Variants in CTAGE1 observed in about 807,000 individuals in gnomAD.
CTAGE1 encodes the protein cTAGE family member 2.
For missense variants in CTAGE1, 963 were observed against 855.9 expected (o/e 1.13, Z -1.56); for synonymous variants, 332 against 302.8 (o/e 1.10, Z -1.00).
chr18:22,415,501 G>T lies in CTAGE1; in HGVS notation c.*73C>A. ...GGGCAAACATGTTGTTAGGTTTCTT[G>T]CTGTCGTTCTGGATGTTCAGCAGCA... On this transcript the variant is annotated 3_prime_UTR_variant, in exon 1 of 1. Transcript: ENST00000391403. The T allele has an allele frequency of 8.0e-7, 1 of 1,245,140 alleles. No homozygotes were observed. The highest frequency in any genetic ancestry group is 1.1e-6 in the Non-Finnish European group (1 of 885,692). 77.1% of individuals were successfully genotyped at this position (1,245,140 alleles called of 1,614,324 possible). A position where few individuals can be genotyped will look rare whatever the true frequency, so the allele number is the denominator to read the frequency against.
Position 22,416,703 on chromosome 18 carries a change from A to G in CTAGE1, c.1109T>C (p.Leu370Ser), listed in dbSNP as rs773249744. The change falls in exon 1 of 1, where the codon TTA becomes TCA. Residue 370 changes from leucine to serine, a missense_variant. By Grantham distance (145) the Leu-to-Ser change is moderately radical. Coordinates refer to ENST00000391403, the MANE Select transcript of CTAGE1 (RefSeq NM_172241.3). ...QENEMKLYRK[L>S]IVEEKCRLEK... is the part of the protein sequence containing the mutation. ...TAACCGGCATTTTTCCTCTACTATT[A>G]ATTTCCTGTAGAGTTTCATTTCATT... 6.2e-7 allele frequency: 1 copy of G among 1,613,174 alleles called. No homozygotes were observed. Among genetic ancestry groups the G allele is most frequent in the African/African-American group, 1.3e-5 (1 of 74,828 alleles).
Position 22,415,542 on chromosome 18 carries a change from G to A in CTAGE1, c.*32C>T, listed in dbSNP as rs1212878284. On this transcript the variant is annotated 3_prime_UTR_variant, in exon 1 of 1. Transcript: ENST00000391403. The stretch of plus-strand genomic sequence containing the variant: ...TTCAGCAGCAGGCTCATTTGAAGTC[G>A]GACTCAACCCTGATGGAAACTCATT... 1.5e-5 allele frequency: 22 copies of A among 1,514,546 alleles called. No individual in the cohort carries two copies. The highest frequency in any genetic ancestry group is 2.3e-5 in the East Asian group (1 of 44,222). The allele number at this position is 1,514,546 out of a possible 1,614,324, so 93.8% of individuals were successfully genotyped here.
chr18:22,416,274 G>C lies in CTAGE1; in HGVS notation c.1538C>G (p.Pro513Arg). The C allele has an allele frequency of 6.2e-7, 1 of 1,613,954 alleles. No individual in the cohort carries two copies. The highest frequency in any genetic ancestry group is 8.5e-7 in the Non-Finnish European group (1 of 1,179,864). Residue 513 changes from proline (P) to arginine (R), a missense_variant, in exon 1 of 1, where the codon CCT (proline) becomes CGT (arginine). Coordinates refer to ENST00000391403, the MANE Select transcript of CTAGE1 (RefSeq NM_172241.3). ...SLYPPTLLEG[P>R]LRLSPLLPRG... ...TGGAAGCAAAGGTGAGAGTCTGAGA[G>C]GACCTTCCAACAAAGTTGGAGGATA...
At position 22,415,126 on chromosome 18, in the gene CTAGE1, T is replaced by G. The variant is rs1265221712; in HGVS notation, c.*448A>C. ...AATTTTTTAAATTTTTTTAATCAAC[T>G]AAAACTTATTTAAGCATAAAGTTAC... On this transcript the variant is annotated 3_prime_UTR_variant, in exon 1 of 1. Transcript: ENST00000391403. 4.4e-6 allele frequency: 1 copy of G among 228,550 alleles called. No individual in the cohort carries two copies. Among genetic ancestry groups the G allele is most frequent in the African/African-American group, 2.3e-5 (1 of 44,444 alleles). The allele number at this position is 228,550 out of a possible 1,614,324, so 14.2% of individuals were successfully genotyped here. A position where few individuals can be genotyped will look rare whatever the true frequency, so the allele number is the denominator to read the frequency against.
In CTAGE1 at chr18:22,415,588, C is replaced by T. The variant is rs1221082236; in HGVS notation, c.2224G>A (p.Ala742Thr). Residue 742 changes from alanine to threonine, a missense_variant, in exon 1 of 1, where the codon GCC becomes ACC. Transcript: ENST00000391403. Reference sequence around the variant, plus strand: ...TCATTCTACCTTCAGAATGTGGGGGCTGGGGGGAAAAATGCAGGTCTTGGG... The same window carrying T: ...TCATTCTACCTTCAGAATGTGGGGGTTGGGGGGAAAAATGCAGGTCTTGGG... ...RPPRPAFFPP[A>T]PTF 2 of 1,600,682 alleles carry T rather than the reference C, an allele frequency of 1.2e-6. No homozygotes were observed. The highest frequency in any genetic ancestry group is 2.2e-5 in the South Asian group (2 of 89,044).
rs752841678 is a variant in CTAGE1 at position 22,416,354 on chromosome 18, G to A, written c.1458C>T (p.Ser486=). Residue 486 remains serine (S), a synonymous_variant, in exon 1 of 1, where the codon TCC becomes TCT. Coordinates refer to ENST00000391403, the MANE Select transcript of CTAGE1 (RefSeq NM_172241.3). ...AACCCAATGGTGAGGGACCATATGG[G>A]GAATGCTGTCTGCCAAATGCTGTAT... ...VPNTAFGRQH[S]PYGPSPLGWP... 1.4e-5 allele frequency: 23 copies of A among 1,613,932 alleles called. No homozygotes were observed. The highest frequency in any genetic ancestry group is 2.2e-5 in the South Asian group (2 of 91,070).
chr18:22,414,537 G>C lies in CTAGE1; in HGVS notation c.*1037C>G. 1.7e-6 allele frequency: 1 copy of C among 595,810 alleles called. No individual in the cohort carries two copies. The highest frequency in any genetic ancestry group is 2.1e-5 in the South Asian group (1 of 46,704). The allele number at this position is 595,810 out of a possible 1,614,324, so 36.9% of individuals were successfully genotyped here. ...AAGGACTAATCCAAAATTTGAGGGC[G>C]TCTCTCAGGGAACACGATACATTTC... On this transcript the variant is annotated 3_prime_UTR_variant, in exon 1 of 1. Coordinates refer to ENST00000391403, the MANE Select transcript of CTAGE1 (RefSeq NM_172241.3).
At position 22,414,898 on chromosome 18, in the gene CTAGE1, G is replaced by C; in HGVS notation, c.*676C>G. On this transcript the variant is annotated 3_prime_UTR_variant, in exon 1 of 1. Transcript: ENST00000391403. ...GGAAGACGAAGGGAAGGAAAGGGAGGGCGAAGAAACCATTCTTGAGGAAAA... is the reference window on the plus strand; with the variant it reads ...GGAAGACGAAGGGAAGGAAAGGGAGCGCGAAGAAACCATTCTTGAGGAAAA... 1.5e-6 allele frequency: 1 copy of C among 657,402 alleles called. No homozygotes were observed. Among genetic ancestry groups the C allele is most frequent in the Non-Finnish European group, 2.7e-6 (1 of 366,924 alleles). The allele number at this position is 657,402 out of a possible 1,614,324, so 40.7% of individuals were successfully genotyped here.
In CTAGE1 at chr18:22,414,640, T is replaced by G. The variant is rs1040568720; in HGVS notation, c.*934A>C. The G allele has an allele frequency of 1.9e-5, 13 of 701,326 alleles. No individual in the cohort carries two copies. The highest frequency in any genetic ancestry group is 4.0e-5 in the Admixed American group (2 of 49,742). The allele number at this position is 701,326 out of a possible 1,614,324, so 43.4% of individuals were successfully genotyped here. The stretch of plus-strand genomic sequence containing the variant: ...AACTGCAATTAAGCACTATCTTAGA[T>G]TTACTCCTTCCCCTTGCCACAGCAA... On this transcript the variant is annotated 3_prime_UTR_variant, in exon 1 of 1. Transcript: ENST00000391403.
In CTAGE1 at chr18:22,415,455, A is replaced by T. The variant is rs772730587; in HGVS notation, c.*119T>A. On this transcript the variant is annotated 3_prime_UTR_variant, in exon 1 of 1. Transcript: ENST00000391403. ...AGTTACTTAAACTGAAAATGAGATC[A>T]GTCAAAATTACTTTTGAAGAGGGCA... The T allele has an allele frequency of 3.6e-5, 29 of 800,886 alleles. 1 individual carries two copies. The South Asian group carries it at 4.8e-4, about 13-fold the overall frequency. 49.6% of individuals were successfully genotyped at this position (800,886 alleles called of 1,614,324 possible).
rs1568126316 is a variant in CTAGE1, at chr18:22,416,130, G to T, written c.1682C>A (p.Ala561Asp). 1.2e-6 allele frequency: 2 copies of T among 1,613,976 alleles called. No individual in the cohort carries two copies. Among genetic ancestry groups the T allele is most frequent in the Non-Finnish European group, 8.5e-7 (1 of 1,179,866 alleles). Residue 561 changes from alanine (A) to aspartate (D), a missense_variant, in exon 1 of 1, where the codon GCT becomes GAT. Ala to Asp is a moderately radical substitution (Grantham distance 126). Coordinates refer to ENST00000391403, the MANE Select transcript of CTAGE1 (RefSeq NM_172241.3). ...LTDPHRAPSDAGPLAPPWEQD... is the reference protein window; with the variant it reads ...LTDPHRAPSDDGPLAPPWEQD... ...TTCCCACGGAGGTGCCAGGGGCCCAGCGTCAGAAGGAGCCCTGTGAGGATC... is the reference window on the plus strand; with the variant it reads ...TTCCCACGGAGGTGCCAGGGGCCCATCGTCAGAAGGAGCCCTGTGAGGATC...
In CTAGE1 at chr18:22,414,799, A is replaced by T. The variant is rs1226543667; in HGVS notation, c.*775T>A. The T allele has an allele frequency of 2.1e-5, 15 of 702,710 alleles. No homozygotes were observed. Among genetic ancestry groups the T allele is most frequent in the Non-Finnish European group, 3.6e-5 (14 of 385,006 alleles). 43.5% of individuals were successfully genotyped at this position (702,710 alleles called of 1,614,324 possible). On this transcript the variant is annotated 3_prime_UTR_variant, in exon 1 of 1. Transcript: ENST00000391403. ...CTGGATAAAGTTGTTCCCACCAAAT[A>T]AAAATAAAACAAAAGAAATAACAAC...
Position 22,415,523 on chromosome 18 carries a change from AGCAG to A in CTAGE1, c.*47_*50del. ...CTTGCTGTCGTTCTGGATGTTCAGCAGCAGGCTCATTTGAAGTCGGACTCAACCC... is the reference window on the plus strand; with the variant it reads ...CTTGCTGTCGTTCTGGATGTTCAGCAGCTCATTTGAAGTCGGACTCAACCC... On this transcript the variant is annotated 3_prime_UTR_variant, in exon 1 of 1. Coordinates refer to ENST00000391403, the MANE Select transcript of CTAGE1 (RefSeq NM_172241.3). 7.1e-7 allele frequency: 1 copy of A among 1,412,552 alleles called. No individual in the cohort carries two copies. Among genetic ancestry groups the A allele is most frequent in the Non-Finnish European group, 9.7e-7 (1 of 1,033,138 alleles). 87.5% of individuals were successfully genotyped at this position (1,412,552 alleles called of 1,614,324 possible).
chr18:22,417,912 C>A lies in CTAGE1; in HGVS notation c.-101G>T. The A allele has an allele frequency of 1.7e-6, 2 of 1,165,756 alleles. No homozygotes were observed. Among genetic ancestry groups the A allele is most frequent in the Non-Finnish European group, 2.5e-6 (2 of 799,448 alleles). 72.2% of individuals were successfully genotyped at this position (1,165,756 alleles called of 1,614,324 possible). On this transcript the variant is annotated 5_prime_UTR_variant, in exon 1 of 1. Transcript: ENST00000391403. ...AGGCTCCTCCGTAGCGCCAAGGCTG[C>A]TCTGGCGGTTGCTGCAGTAACCTCG...
Position 22,417,371 on chromosome 18 carries a change from T to C in CTAGE1, c.441A>G (p.Glu147=). ...GTGATTTGAGGGATTTTGACTCATC[T>C]TCTAGCGACTGTATCCTTTTGGAAA... The part of the protein sequence containing the change: ...ADISKRIQSL[E]DESKSLKSQV... Residue 147 remains glutamate (E), a synonymous_variant, in exon 1 of 1, where the codon GAA becomes GAG. Transcript: ENST00000391403. 1 of 1,614,030 alleles carries C rather than the reference T, an allele frequency of 6.2e-7. No homozygotes were observed. Among genetic ancestry groups the C allele is most frequent in the Non-Finnish European group, 8.5e-7 (1 of 1,179,880 alleles).
Position 22,417,899 on chromosome 18 carries a change from A to C in CTAGE1, c.-88T>G. 7.6e-7 allele frequency: 1 copy of C among 1,324,038 alleles called. No individual in the cohort carries two copies. Among genetic ancestry groups the C allele is most frequent in the Non-Finnish European group, 1.1e-6 (1 of 928,460 alleles). The allele number at this position is 1,324,038 out of a possible 1,614,324, so 82.0% of individuals were successfully genotyped here. A position where few individuals can be genotyped will look rare whatever the true frequency, so the allele number is the denominator to read the frequency against. On this transcript the variant is annotated 5_prime_UTR_variant, in exon 1 of 1. Transcript: ENST00000391403. ...GAGGGTTAGCCCTAGGCTCCTCCGT[A>C]GCGCCAAGGCTGCTCTGGCGGTTGC...
Position 22,416,255 on chromosome 18 carries a change from C to T in CTAGE1, c.1557G>A (p.Leu519=). 6.2e-7 allele frequency: 1 copy of T among 1,613,900 alleles called. No individual in the cohort carries two copies. The highest frequency in any genetic ancestry group is 8.5e-7 in the Non-Finnish European group (1 of 1,179,860). The part of the protein sequence containing the change: ...LLEGPLRLSP[L]LPRGGGRGSR... ...AGCCTCTTCCTCCTCCCCGTGGAAG[C>T]AAAGGTGAGAGTCTGAGAGGACCTT... The change falls in exon 1 of 1, where the codon TTG becomes TTA. Residue 519 remains leucine, a synonymous_variant. Coordinates refer to ENST00000391403, the MANE Select transcript of CTAGE1 (RefSeq NM_172241.3).
At position 22,416,527 on chromosome 18, in the gene CTAGE1, C is replaced by T; in HGVS notation, c.1285G>A (p.Ala429Thr). 1.2e-6 allele frequency: 2 copies of T among 1,613,088 alleles called. No individual in the cohort carries two copies. The highest frequency in any genetic ancestry group is 1.7e-6 in the Non-Finnish European group (2 of 1,179,720). The part of the protein sequence containing the change: ...QKKIILHEKK[A>T]HDNWSAAWTA... ...CAAGCTGCCGACCAATTATCATGTG[C>T]TTTTTTCTCATGGAGAATAATCTTC... The change falls in exon 1 of 1, where the codon GCA (alanine) becomes ACA (threonine). Residue 429 changes from alanine (A) to threonine (T), a missense_variant. Ala to Thr is a moderately conservative substitution (Grantham distance 58). Transcript: ENST00000391403.
At position 22,417,868 on chromosome 18, in the gene CTAGE1, A is replaced by G. The variant is rs1330185821; in HGVS notation, c.-57T>C. The G allele has an allele frequency of 1.9e-6, 3 of 1,569,898 alleles. No individual in the cohort carries two copies. Among genetic ancestry groups the G allele is most frequent in the Non-Finnish European group, 2.6e-6 (3 of 1,140,560 alleles). Reference sequence around the variant, plus strand: ...AGCAACTCCAGGACCAGCCCCAGGTATGGCTGAGGGTTAGCCCTAGGCTCC... The same window carrying G: ...AGCAACTCCAGGACCAGCCCCAGGTGTGGCTGAGGGTTAGCCCTAGGCTCC... On this transcript the variant is annotated 5_prime_UTR_variant, in exon 1 of 1. Transcript: ENST00000391403.
Sources: allele counts gnomAD v4.1 joint callset, GRCh38; gene constraint gnomAD v4.1.1; transcripts MANE v1.5; gene names NCBI Gene and HGNC (gene_info 2026-07-23, HGNC 2026-07-21).